Variants in UNC13C observed in about 807,000 individuals in gnomAD.
UNC13C encodes the protein unc-13 homolog C, also known as protein unc-13 homolog C.
A neutral mutation model predicts 245.4 loss-of-function variants in UNC13C; 174 were observed. That is an observed-to-expected ratio of 0.71 (90% CI 0.63 to 0.80). The LOEUF (loss-of-function observed/expected upper bound fraction) is 0.80. UNC13C is among the 30% of genes least tolerant of loss of function. The pLI is 0.00. For missense variants in UNC13C, 2,829 were observed against 2,602.9 expected, an observed-to-expected ratio of 1.09 and a Z score of -1.89; for synonymous variants, 992 against 895.1, an observed-to-expected ratio of 1.11 and a Z score of -1.93.
intron 32 of UNC13C, among the ~76,000 whole-genome samples, chr15:54,625,827 C>G (rs939422782): frequency 2.0e-5 from 3 of 152,176 alleles, no homozygotes; most frequent in Non-Finnish European, 2.9e-5. Context: ...CTGGACCCAA[C>G]TAAAGTTTCT....
At chr15:54,274,940 G>T (rs2036792930) in intron 10 of UNC13C, among the ~76,000 whole-genome samples, 1 of 152,070 alleles carries the variant, frequency 6.6e-6, no homozygotes, top group Non-Finnish European at 1.5e-5. Flanking sequence ...AAAGTGCTGG[G>T]ATTATAGGTG....
intron 4 of UNC13C, among the ~76,000 whole-genome samples, chr15:54,195,310 G>A (rs1265356251): frequency 6.6e-6 from 1 of 152,164 alleles, no homozygotes; most frequent in Non-Finnish European, 1.5e-5. Flanking sequence ...AATGTATGCT[G>A]AGAGAACAGT....
At chr15:53,909,233 C>G in the UNC13C span, among the ~76,000 whole-genome samples, 1 of 146,592 alleles carries the variant, frequency 6.8e-6, no homozygotes, top group South Asian at 2.3e-4. Flanking sequence ...ATGTGTATCA[C>G]TTTTTAAAAT....
the UNC13C span, among the ~76,000 whole-genome samples, chr15:53,848,817 G>A: frequency 1.6e-4 from 24 of 151,702 alleles, no homozygotes; most frequent in East Asian, 3.9e-3. Context: ...TTGAAATTAC[G>A]TTACTAGATC....
intron 28 of UNC13C, among the ~76,000 whole-genome samples, chr15:54,552,613 T>C (rs1440514665): frequency 3.7e-5 from 3 of 82,030 alleles, no homozygotes; most frequent in Admixed American, 4.4e-4. Context: ...TATAATTATA[T>C]AATTATATTA....
At chr15:53,867,330 G>T in the UNC13C span, among the ~76,000 whole-genome samples, 98 of 152,254 alleles carry the variant, frequency 6.4e-4, no homozygotes, top group African/African-American at 2.3e-3. Context: ...AAACTATAAT[G>T]AACTAGAATT....
chr15:53,921,606 A>G, the UNC13C span, among the ~76,000 whole-genome samples: 1 of 152,208 alleles, frequency 6.6e-6, no homozygotes, highest in Admixed American at 6.5e-5. Context: ...TCTAAATGTC[A>G]GGACAAATTA....
At chr15:53,948,760 G>C in the UNC13C span, among the ~76,000 whole-genome samples, 1 of 151,966 alleles carries the variant, frequency 6.6e-6, no homozygotes, top group Non-Finnish European at 1.5e-5. Context: ...TTAGCCAGGT[G>C]AGGAAATGAC....
At chr15:54,596,424 G>A (rs1566930434) in intron 30 of UNC13C, among the ~76,000 whole-genome samples, 1 of 152,146 alleles carries the variant, frequency 6.6e-6, no homozygotes, top group Non-Finnish European at 1.5e-5. Flanking sequence ...AAAGAGTATA[G>A]CCATGATGCA....
intron 18 of UNC13C, among the ~76,000 whole-genome samples, chr15:54,408,682 G>A (rs1326854417): frequency 1.2e-4 from 18 of 152,008 alleles, no homozygotes; most frequent in Admixed American, 5.2e-4. Context: ...AATTAAAAGC[G>A]TGACTCCCCA....
At chr15:54,318,709 C>A (rs1248248323) in intron 13 of UNC13C, among the ~76,000 whole-genome samples, 2 of 151,832 alleles carry the variant, frequency 1.3e-5, no homozygotes, top group Admixed American at 6.6e-5. Flanking sequence ...TGCAGGTTAT[C>A]TCTTCACTCT....
chr15:54,357,308 A>G (rs1002925394), intron 17 of UNC13C, among the ~76,000 whole-genome samples: 11 of 152,088 alleles, frequency 7.2e-5, no homozygotes, highest in African/African-American at 2.2e-4. Context: ...TATAGAGCAG[A>G]ATCAAATCAA....
chr15:54,424,935 A>G (rs1484678394), intron 19 of UNC13C, among the ~76,000 whole-genome samples: 3 of 151,778 alleles, frequency 2.0e-5, no homozygotes, highest in Non-Finnish European at 4.4e-5. Context: ...TGCACTCTGC[A>G]TTACTTGTCA....
intron 2 of UNC13C, among the ~76,000 whole-genome samples, chr15:54,092,779 A>T (rs1261274595): frequency 1.3e-5 from 2 of 152,190 alleles, no homozygotes; most frequent in Non-Finnish European, 2.9e-5. Flanking sequence ...ATATAGGGAG[A>T]ATAATTCCCT....
At chr15:54,138,550 A>G (rs895304872) in intron 2 of UNC13C, among the ~76,000 whole-genome samples, 1 of 152,104 alleles carries the variant, frequency 6.6e-6, no homozygotes, top group African/African-American at 2.4e-5. Context: ...CTCTAAATGC[A>G]TTGATTTTAA....
chr15:54,567,697 G>T (rs1897574317), intron 29 of UNC13C, 103 bp from the exon 30 acceptor site: 1 of 1,124,008 alleles, frequency 8.9e-7, no homozygotes, highest in Non-Finnish European at 1.2e-6. Context: ...ATCTTGCATT[G>T]ATCAAATTGT....
chr15:54,095,252 T>C lies in UNC13C; in HGVS notation c.2984-47766T>C, dbSNP rs545014990. Among the ~76,000 whole-genome samples the C allele has an allele frequency of 1.6e-4, 24 of 152,160 alleles. 1 individual carries two copies. Among genetic ancestry groups the C allele is most frequent in the Non-Finnish European group, 3.4e-4 (23 of 68,022 alleles). On this transcript the variant is annotated intron_variant, in intron 2 of 32. Coordinates refer to ENST00000260323, the MANE Select transcript of UNC13C (RefSeq NM_001080534.3). ...TACAACATACAAATCAAATTCTGTA[T>C]CAGTCCATTTCATGACATTCTCCCT...
At chr15:53,841,190 T>TA in the UNC13C span, among the ~76,000 whole-genome samples, 12 of 152,090 alleles carry the variant, frequency 7.9e-5, no homozygotes, top group South Asian at 6.2e-4. Context: ...TATTTTATAT[T>TA]AAAAAAAACT....
chr15:54,219,798 C>T (rs1331907088), intron 4 of UNC13C, among the ~76,000 whole-genome samples: 5 of 150,946 alleles, frequency 3.3e-5, no homozygotes, highest in Non-Finnish European at 5.9e-5. Context: ...TATGAACAGA[C>T]ACTTCTCAAA....
Sources: gnomAD v4.1 joint callset for allele counts (sites outside exome capture counted in the v4.1 genomes callset) on GRCh38, gnomAD v4.1.1 for gene constraint, MANE v1.5 for transcripts, NCBI Gene and HGNC (gene_info 2026-07-23, HGNC 2026-07-21) for gene names.